Variants in ALDH3A2 observed in about 807,000 individuals in gnomAD.
ALDH3A2 encodes aldehyde dehydrogenase 3 family member A2, also known as aldehyde dehydrogenase family 3 member A2.
In ALDH3A2, 36 loss-of-function variants were observed where a neutral mutation model predicts 51.3. The ratio of observed to expected loss-of-function variants is 0.70; its 90% CI spans 0.54 to 0.93. The LOEUF (loss-of-function observed/expected upper bound fraction) is 0.93. Ranked by LOEUF, ALDH3A2 falls within the 40% of genes least tolerant of loss-of-function variation. ALDH3A2 has a pLI of 0.00. For synonymous variants in ALDH3A2, 199 were observed against 219.8 expected, an observed-to-expected ratio of 0.91 and a Z score of 0.84; for missense variants, 552 against 603.1, an observed-to-expected ratio of 0.92 and a Z score of 0.89.
At position 19,654,899 on chromosome 17, in the gene ALDH3A2, C is replaced by CA. The variant is rs777129827; in HGVS notation, c.472-1461dup. ...CAGCCTATAAGAGTACTTCTGCTTT[C>CA]AAAAAAGACATGTCTGTGGCATGAA... On this transcript the variant is annotated intron_variant, in intron 3 of 9. Coordinates refer to ENST00000176643, the MANE Select transcript of ALDH3A2 (RefSeq NM_000382.3). This position sits in a 1 kb window ranked among gnomAD's most constrained non-coding sequence, Gnocchi z 4.5. Among the ~76,000 whole-genome samples, 2 of 152,156 alleles carry CA rather than the reference C, an allele frequency of 1.3e-5. No individual in the cohort carries two copies. The highest frequency in any genetic ancestry group is 2.9e-5 in the Non-Finnish European group (2 of 68,032).
chr17:19,660,382 G>A (rs1205314431), intron 5 of ALDH3A2, among the ~76,000 whole-genome samples: 2 of 152,152 alleles, frequency 1.3e-5, no homozygotes, highest in Non-Finnish European at 2.9e-5. Context: ...CGACCACCCA[G>A]ACTTGAGAAT....
At chr17:19,652,314 AG>A (rs952117260) in intron 2 of ALDH3A2, among the ~76,000 whole-genome samples, 6 of 152,170 alleles carry the variant, frequency 3.9e-5, no homozygotes, top group African/African-American at 1.4e-4. Flanking sequence ...AAGCTGGAGG[AG>A]TGGGAAAGGC....
intron 6 of ALDH3A2, among the ~76,000 whole-genome samples, chr17:19,662,243 C>T (rs187362742): frequency 1.3e-5 from 2 of 152,234 alleles, no homozygotes; most frequent in East Asian, 3.9e-4. Flanking sequence ...CCCCTGACTT[C>T]GAGCTGGGAT....
chr17:19,649,073 G>T lies in ALDH3A2; in HGVS notation c.102G>T (p.Val34=), dbSNP rs2084777306. The change falls in exon 1 of 10, where the codon GTG becomes GTT. Residue 34 remains valine, a synonymous_variant. Transcript: ENST00000176643. ...LQQLEALRRM[V]QEREKDILTA... ...AGCTGGAGGCCCTGCGGAGGATGGT[G>T]CAGGAGCGCGAGAAGGATATCCTGA... 6.3e-7 allele frequency: 1 copy of T among 1,583,884 alleles called. No individual in the cohort carries two copies. Among genetic ancestry groups the T allele is most frequent in the East Asian group, 2.3e-5 (1 of 43,388 alleles).
chr17:19,664,956 A>C lies in ALDH3A2; in HGVS notation c.1116A>C (p.Lys372Asn). 1 of 1,613,200 alleles carries C rather than the reference A, an allele frequency of 6.2e-7. No homozygotes were observed. Among genetic ancestry groups the C allele is most frequent in the Non-Finnish European group, 8.5e-7 (1 of 1,179,526 alleles). Reference protein sequence around the residue: ...YVFSHNHKLIKRMIDETSSGG... With the variant: ...YVFSHNHKLINRMIDETSSGG... ...CTTTGGTCTGTCCTCAGCTCATCAA[A>C]CGGATGATTGATGAGACATCCAGTG... Residue 372 changes from lysine to asparagine, a missense_variant, in exon 8 of 10, where the codon AAA (lysine) becomes AAC (asparagine). Lys to Asn is a moderately conservative substitution (Grantham distance 94). Coordinates refer to ENST00000176643, the MANE Select transcript of ALDH3A2 (RefSeq NM_000382.3).
In ALDH3A2 at chr17:19,648,799, A is replaced by G; in HGVS notation, c.-173A>G. On this transcript the variant is annotated 5_prime_UTR_variant, in exon 1 of 10. Transcript: ENST00000176643. ...TGGCAGTGGGACTCAGCGGGCGTGG[A>G]GGTCGCGGCTGAGCGAGCGAGCCCT... is the stretch of plus-strand genomic sequence containing the variant. 1 of 853,228 alleles carries G rather than the reference A, an allele frequency of 1.2e-6. No individual in the cohort carries two copies. The highest frequency in any genetic ancestry group is 1.8e-6 in the Non-Finnish European group (1 of 555,312). 52.9% of individuals were successfully genotyped at this position (853,228 alleles called of 1,614,324 possible).
At chr17:19,666,929 A>G (rs2085046544) in intron 8 of ALDH3A2, among the ~76,000 whole-genome samples, 2 of 152,022 alleles carry the variant, frequency 1.3e-5, no homozygotes, top group Admixed American at 6.5e-5. Context: ...TCAGGCATAT[A>G]ATACATTATT....
chr17:19,671,971 C>A lies in ALDH3A2; in HGVS notation c.1443+15C>A. ...TGCTTGTCAAGGTGAGTCCCTATAA[C>A]CCATGAGTGCCATTCAGTCTGGTCC... On this transcript the variant is annotated intron_variant, in intron 9 of 9. Coordinates refer to ENST00000176643, the MANE Select transcript of ALDH3A2 (RefSeq NM_000382.3). 1 of 1,603,642 alleles carries A rather than the reference C, an allele frequency of 6.2e-7. No individual in the cohort carries two copies. The highest frequency in any genetic ancestry group is 1.7e-5 in the Admixed American group (1 of 60,000).
At chr17:19,652,460 C>G (rs1316782545) in intron 2 of ALDH3A2, 87 bp from the exon 3 acceptor site, 2 of 972,216 alleles carry the variant, frequency 2.1e-6, no homozygotes, top group East Asian at 2.4e-5. Flanking sequence ...TTGGGAGTAC[C>G]TAGCCTGTTC....
intron 5 of ALDH3A2, 70 bp from the exon 6 acceptor site, chr17:19,661,057 G>A (rs1449321296): frequency 3.3e-6 from 5 of 1,498,266 alleles, no homozygotes; most frequent in Non-Finnish European, 3.7e-6. Context: ...GGGCATGGCT[G>A]GATTTTGTAC....
chr17:19,663,900 C>T (rs2085001547), intron 7 of ALDH3A2, among the ~76,000 whole-genome samples: 2 of 152,264 alleles, frequency 1.3e-5, no homozygotes, highest in African/African-American at 4.8e-5. Flanking sequence ...AAGACCCCGA[C>T]ACTGTCACAT....
chr17:19,653,729 A>G (rs2084852462), intron 3 of ALDH3A2, among the ~76,000 whole-genome samples: 1 of 152,210 alleles, frequency 6.6e-6, no homozygotes, highest in Non-Finnish European at 1.5e-5. Context: ...GATTTATTGC[A>G]AAGACTGAAA....
At chr17:19,656,699 G>A in intron 4 of ALDH3A2, 125 bp downstream of exon 4, 1 of 980,900 alleles carries the variant, frequency 1.0e-6, no homozygotes, top group South Asian at 1.4e-5. Flanking sequence ...AGCTTTGGTG[G>A]TTGATGTCCT....
intron 6 of ALDH3A2, 105 bp from the exon 7 acceptor site, chr17:19,663,228 G>A: frequency 7.6e-7 from 1 of 1,309,092 alleles, no homozygotes; most frequent in South Asian, 1.2e-5. Context: ...TGACTTGGGT[G>A]GGAGAGGGAA....
intron 9 of ALDH3A2, chr17:19,675,318 A>G (rs1156863952): frequency 9.0e-6 from 5 of 554,302 alleles, no homozygotes; most frequent in Middle Eastern, 3.6e-4. Flanking sequence ...TATAGCCTTC[A>G]TTATCACGTT....
Position 19,648,935 on chromosome 17 carries a change from C to A in ALDH3A2, c.-37C>A. ...ATGCTTCCCGCCTCCCACTCCCCAGCGCCCCCGGACCGTGCAGTTCTCTGC... is the reference window on the plus strand; with the variant it reads ...ATGCTTCCCGCCTCCCACTCCCCAGAGCCCCCGGACCGTGCAGTTCTCTGC... On this transcript the variant is annotated 5_prime_UTR_variant, in exon 1 of 10. Coordinates refer to ENST00000176643, the MANE Select transcript of ALDH3A2 (RefSeq NM_000382.3). The A allele has an allele frequency of 6.4e-7, 1 of 1,551,992 alleles. No individual in the cohort carries two copies. Among genetic ancestry groups the A allele is most frequent in the Non-Finnish European group, 8.7e-7 (1 of 1,147,720 alleles).
chr17:19,675,343 G>A, intron 9 of ALDH3A2: 1 of 603,552 alleles, frequency 1.7e-6, no homozygotes, highest in East Asian at 2.8e-5. Context: ...TACTCTTATT[G>A]TTATTGTTGT....
In ALDH3A2 at chr17:19,656,554, T is replaced by G; in HGVS notation, c.660T>G (p.Cys220Trp). 1 of 1,613,320 alleles carries G rather than the reference T, an allele frequency of 6.2e-7. No individual in the cohort carries two copies. Among genetic ancestry groups the G allele is most frequent in the African/African-American group, 1.3e-5 (1 of 75,046 alleles). The change falls in exon 4 of 10, where the codon TGT becomes TGG. Residue 220 changes from cysteine to tryptophan, a missense_variant. Coordinates refer to ENST00000176643, the MANE Select transcript of ALDH3A2 (RefSeq NM_000382.3). ...GKSPCYIDKD[C>W]DLDIVCRRIT... ...GTCCATGTTATATTGATAAAGATTG[T>G]GACCTGGACATTGTTTGCAGGTGAG...
chr17:19,649,416 T>C, intron 1 of ALDH3A2: 2 of 388,318 alleles, frequency 5.2e-6, no homozygotes, highest in Non-Finnish European at 9.3e-6. Context: ...AGGAACTCTT[T>C]GTATATTCTG....
Sources: allele counts gnomAD v4.1 joint callset (sites outside exome capture counted in the v4.1 genomes callset), GRCh38; gene constraint gnomAD v4.1.1; non-coding constraint Gnocchi (gnomAD v3.1); transcripts MANE v1.5; gene names NCBI Gene and HGNC (gene_info 2026-07-23, HGNC 2026-07-21).